The following CCAR1 variants were observed in gnomAD, a reference collection of about 807,000 sequenced individuals.
CCAR1 encodes the protein cell division cycle and apoptosis regulator 1.
A neutral mutation model predicts 163.8 loss-of-function variants in CCAR1; 78 were observed. The ratio of observed to expected loss-of-function variants is 0.48; its 90% confidence interval spans 0.40 to 0.57. The LOEUF is 0.57. CCAR1 is among the 20% of genes least tolerant of loss of function. The pLI, the probability that CCAR1 is intolerant of heterozygous loss-of-function variation, is 0.00. For synonymous variants in CCAR1, 443 were observed against 460.7 expected, an observed-to-expected ratio of 0.96 and a Z score of 0.49; for missense variants, 1,019 against 1,365.2, an observed-to-expected ratio of 0.75 and a Z score of 4.00.
chr10:68,775,677 T>G (rs945750006), intron 19 of CCAR1, among the ~76,000 whole-genome samples: 1 of 134,884 alleles, frequency 7.4e-6, no homozygotes, highest in African/African-American at 2.8e-5. Flanking sequence ...GCCCAGCTAA[T>G]TTTTCTTTTC....
chr10:68,775,273 T>C (rs1316523668), intron 19 of CCAR1, among the ~76,000 whole-genome samples: 1 of 152,062 alleles, frequency 6.6e-6, no homozygotes, highest in Non-Finnish European at 1.5e-5. Flanking sequence ...CTATGTAATA[T>C]CTCCTCTTAT....
intron 8 of CCAR1, among the ~76,000 whole-genome samples, chr10:68,748,583 G>A (rs902144985): frequency 6.8e-5 from 10 of 147,992 alleles, no homozygotes; most frequent in Admixed American, 1.4e-4. Context: ...CCGCCTCCCC[G>A]GCTCAAGTGA....
intron 8 of CCAR1, 26 bp downstream of exon 8, chr10:68,747,592 A>C: frequency 6.3e-7 from 1 of 1,590,032 alleles, no homozygotes; most frequent in Non-Finnish European, 8.6e-7. Context: ...TTTCAGGCAA[A>C]TGTATAACTT....
chr10:68,764,176 T>C (rs1042902708), intron 16 of CCAR1, among the ~76,000 whole-genome samples: 1 of 152,214 alleles, frequency 6.6e-6, no homozygotes, highest in African/African-American at 2.4e-5. Context: ...CTCTACCCTA[T>C]GCTATCTCTG....
Position 68,773,018 on chromosome 10 carries a change from G to C in CCAR1, c.2569G>C (p.Asp857His), listed in dbSNP as rs777454414. 6.6e-7 allele frequency: 1 copy of C among 1,509,922 alleles called. No homozygotes were observed. Among genetic ancestry groups the C allele is most frequent in the Non-Finnish European group, 9.1e-7 (1 of 1,102,346 alleles). The allele number at this position is 1,509,922 out of a possible 1,614,324, so 93.5% of individuals were successfully genotyped here. A position where few individuals can be genotyped will look rare whatever the true frequency, so the allele number is the denominator to read the frequency against. The part of the protein sequence containing the change: ...KEDKRKDDSK[D>H]DDETEEDNNQ... ...AGATAAAAGAAAAGATGATTCTAAA[G>C]ATGATGATGAAACTGAAGAAGATAA... The change falls in exon 19 of 25, where the codon GAT becomes CAT. Residue 857 changes from aspartate (D) to histidine (H), a missense_variant. Physicochemically the swap from Asp to His is moderately conservative, Grantham distance 81. Around this residue, in one of 4 missense-constraint regions of CCAR1, gnomAD observed 358 missense variants for 406.4 expected, o/e 0.88. Transcript: ENST00000265872.
At chr10:68,752,384 T>G (rs1813644187) in intron 10 of CCAR1, among the ~76,000 whole-genome samples, 1 of 152,216 alleles carries the variant, frequency 6.6e-6, no homozygotes. Flanking sequence ...TGAAATGATT[T>G]ATTTGTACTT....
intron 2 of CCAR1, among the ~76,000 whole-genome samples, chr10:68,732,098 G>A (rs1236963740): frequency 6.6e-6 from 1 of 152,142 alleles, no homozygotes; most frequent in Non-Finnish European, 1.5e-5. Flanking sequence ...ACTTCCCAGG[G>A]TTGTGGGAGT....
Position 68,787,946 on chromosome 10 carries a change from A to C in CCAR1, c.2900A>C (p.Lys967Thr). The change falls in exon 22 of 25, where the codon AAA (lysine) becomes ACA (threonine). Residue 967 changes from lysine (K) to threonine (T), a missense_variant. Physicochemically the swap from Lys to Thr is moderately conservative, Grantham distance 78. Coordinates refer to ENST00000265872, the MANE Select transcript of CCAR1 (RefSeq NM_018237.4). ...SRAQVKKLLNKVVLRESCFYR... is the reference protein window; with the variant it reads ...SRAQVKKLLNTVVLRESCFYR... ...TAACAGGTAAAGAAGCTTCTTAATA[A>C]AGTAGTGCTCCGTGAATCTTGCTTT... 1 of 1,610,638 alleles carries C rather than the reference A, an allele frequency of 6.2e-7. No homozygotes were observed. Among genetic ancestry groups the C allele is most frequent in the Non-Finnish European group, 8.5e-7 (1 of 1,178,884 alleles).
At chr10:68,736,205 T>G (rs2133320843) in intron 2 of CCAR1, among the ~76,000 whole-genome samples, 1 of 152,302 alleles carries the variant, frequency 6.6e-6, no homozygotes, top group East Asian at 1.9e-4. Context: ...AAAAATCCTA[T>G]GTATTTATGG....
At chr10:68,736,263 TAA>T (rs2056108708) in intron 2 of CCAR1, among the ~76,000 whole-genome samples, 2 of 152,184 alleles carry the variant, frequency 1.3e-5, no homozygotes, top group South Asian at 4.1e-4. Flanking sequence ...ATAATATATA[TAA>T]AGTCTTGATG....
chr10:68,784,465 G>A (rs1378897741), intron 19 of CCAR1, among the ~76,000 whole-genome samples: 5 of 151,788 alleles, frequency 3.3e-5, no homozygotes, highest in African/African-American at 9.7e-5. Flanking sequence ...CATCTGCCTC[G>A]GGCTGCCAAA....
At chr10:68,745,338 T>C (rs978814929) in intron 6 of CCAR1, among the ~76,000 whole-genome samples, 8 of 151,230 alleles carry the variant, frequency 5.3e-5, no homozygotes, top group African/African-American at 1.9e-4. Flanking sequence ...TGGGGTCTCT[T>C]TTGCCCAGGC....
rs1463182855 is a variant in CCAR1, at chr10:68,737,835, A to C, written c.247-10A>C. ...ATTTTTCTTTGAAAAATTTTTTTTT[A>C]ATCTTTCAGCAATATTCACAACCTC... On this transcript the variant is annotated splice_polypyrimidine_tract_variant and intron_variant, in intron 3 of 24. Transcript: ENST00000265872. 1 of 1,570,548 alleles carries C rather than the reference A, an allele frequency of 6.4e-7. No homozygotes were observed. Among genetic ancestry groups the C allele is most frequent in the Admixed American group, 1.9e-5 (1 of 51,358 alleles).
rs1564548465 is a variant in CCAR1, at chr10:68,773,088, A to G, written c.2639A>G (p.Asp880Gly). Reference protein sequence around the residue: ...YDPMEAEEAEDEEDDRDEEEM... With the variant: ...YDPMEAEEAEGEEDDRDEEEM... ...CCTATGGAAGCAGAAGAAGCTGAGG[A>G]TGAAGAAGATGGTATGATTGAAATT... Residue 880 changes from aspartate (D) to glycine (G), a missense_variant, in exon 19 of 25, where the codon GAT becomes GGT. Around this residue, in one of 4 missense-constraint regions of CCAR1, gnomAD observed 358 missense variants for 406.4 expected, o/e 0.88. Coordinates refer to ENST00000265872, the MANE Select transcript of CCAR1 (RefSeq NM_018237.4). 1 of 1,501,146 alleles carries G rather than the reference A, an allele frequency of 6.7e-7. No homozygotes were observed. The highest frequency in any genetic ancestry group is 2.3e-5 in the East Asian group (1 of 43,158). 93.0% of individuals were successfully genotyped at this position (1,501,146 alleles called of 1,614,324 possible).
chr10:68,771,956 T>C (rs2056609334), intron 18 of CCAR1, among the ~76,000 whole-genome samples: 1 of 151,680 alleles, frequency 6.6e-6, no homozygotes. Flanking sequence ...CTGCAACCTC[T>C]CCCTCCCAGG....
chr10:68,787,516 A>G (rs1025188853), intron 21 of CCAR1, among the ~76,000 whole-genome samples: 1 of 151,924 alleles, frequency 6.6e-6, no homozygotes, highest in South Asian at 2.1e-4. Context: ...CTTGGATCTT[A>G]CTCAATTCCA....
At chr10:68,722,197 C>A (rs532201307) in intron 1 of CCAR1, among the ~76,000 whole-genome samples, 3 of 152,232 alleles carry the variant, frequency 2.0e-5, no homozygotes, top group Admixed American at 2.0e-4. Context: ...AACTTGTAGT[C>A]CCAGAAAGGA....
intron 1 of CCAR1, 113 bp from the exon 2 acceptor site, chr10:68,722,342 C>T: frequency 1.6e-6 from 1 of 639,758 alleles, no homozygotes; most frequent in Non-Finnish European, 2.8e-6. Flanking sequence ...GTTATTTCTG[C>T]TGAAATCTGC....
chr10:68,757,100 G>A (rs1292167785), intron 14 of CCAR1, among the ~76,000 whole-genome samples, 194 bp from the exon 15 acceptor site: 3 of 152,170 alleles, frequency 2.0e-5, no homozygotes, highest in Admixed American at 2.0e-4. Context: ...GGCTTTGATT[G>A]GCTGATGAGT....
Sources: allele counts gnomAD v4.1 joint callset (sites outside exome capture counted in the v4.1 genomes callset), GRCh38; gene constraint gnomAD v4.1.1; regional missense constraint gnomAD v4.1.1; transcripts MANE v1.5; gene names NCBI Gene and HGNC (gene_info 2026-07-23, HGNC 2026-07-21).